PRR5L: variants seen among roughly 807,000 people sequenced by gnomAD.
PRR5L encodes proline rich 5 like, also known as proline-rich protein 5-like.
In PRR5L, 21 loss-of-function variants were observed where a neutral mutation model predicts 36.4. That is an observed-to-expected ratio of 0.58 (90% confidence interval 0.41 to 0.83). The LOEUF is 0.83. Ranked by LOEUF, PRR5L falls within the 40% of genes least tolerant of loss-of-function variation. The pLI is 0.00. For missense variants in PRR5L, 381 were observed against 473.3 expected (o/e 0.80, Z 1.81); for synonymous variants, 188 against 197.0 (o/e 0.95, Z 0.38).
intron 1 of PRR5L, among the ~76,000 whole-genome samples, chr11:36,360,075 C>A (rs79915458): frequency 3.4e-5 from 5 of 148,216 alleles, no homozygotes; most frequent in South Asian, 2.1e-4. Flanking sequence ...ACACACACAC[C>A]CACACACACA....
intron 3 of PRR5L, among the ~76,000 whole-genome samples, chr11:36,417,638 C>T (rs775860065): frequency 2.0e-5 from 3 of 152,214 alleles, no homozygotes; most frequent in Non-Finnish European, 2.9e-5. Flanking sequence ...CTTTGTTCAA[C>T]GTGTGTTTGT....
At chr11:36,366,658 A>C (rs1207106300) in intron 1 of PRR5L, among the ~76,000 whole-genome samples, 1 of 152,184 alleles carries the variant, frequency 6.6e-6, no homozygotes, top group Non-Finnish European at 1.5e-5. Context: ...TGGGGAATGT[A>C]GTTAGCATGA....
intron 1 of PRR5L, among the ~76,000 whole-genome samples, chr11:36,341,558 G>A (rs566879823): frequency 6.6e-6 from 1 of 152,324 alleles, no homozygotes; most frequent in Admixed American, 6.5e-5. Context: ...TGCCGTCACA[G>A]TAAGCAGAGC....
chr11:36,329,713 A>T (rs1025990776), intron 1 of PRR5L, among the ~76,000 whole-genome samples: 10 of 152,200 alleles, frequency 6.6e-5, no homozygotes, highest in Admixed American at 6.5e-4. Flanking sequence ...CTCATATTGG[A>T]CCTTTAAAAG....
At chr11:36,354,663 T>G (rs1459157822) in intron 1 of PRR5L, among the ~76,000 whole-genome samples, 3 of 152,234 alleles carry the variant, frequency 2.0e-5, no homozygotes, top group Non-Finnish European at 4.4e-5. Flanking sequence ...CATGTGCCTT[T>G]GAAGTGAGAC....
chr11:36,457,620 C>A (rs1007982099), intron 8 of PRR5L, among the ~76,000 whole-genome samples: 2 of 144,694 alleles, frequency 1.4e-5, no homozygotes, highest in Admixed American at 6.9e-5. Context: ...AAAAAAAAAA[C>A]AAAACAAAAA....
At chr11:36,324,408 T>C (rs1349671909) in intron 1 of PRR5L, among the ~76,000 whole-genome samples, 3 of 152,166 alleles carry the variant, frequency 2.0e-5, no homozygotes, top group Admixed American at 1.3e-4. Context: ...ACTGGAAATG[T>C]ATGTAAGAAA....
chr11:36,400,650 T>C (rs967043905), intron 1 of PRR5L, among the ~76,000 whole-genome samples: 1 of 152,190 alleles, frequency 6.6e-6, no homozygotes, highest in Non-Finnish European at 1.5e-5. Context: ...TTTTTAAAAA[T>C]CCATCTCTTA....
At chr11:36,327,815 T>C (rs1274284446) in intron 1 of PRR5L, among the ~76,000 whole-genome samples, 1 of 152,224 alleles carries the variant, frequency 6.6e-6, no homozygotes, top group Non-Finnish European at 1.5e-5. Flanking sequence ...TCTCTGAATC[T>C]ACTTATGACC....
At chr11:36,426,978 C>A (rs1259557353) in intron 4 of PRR5L, among the ~76,000 whole-genome samples, 2 of 152,152 alleles carry the variant, frequency 1.3e-5, no homozygotes, top group African/African-American at 4.8e-5. Flanking sequence ...AGGAGGCATG[C>A]ATCATTGGTA....
intron 8 of PRR5L, among the ~76,000 whole-genome samples, chr11:36,459,864 A>G (rs1400804795): frequency 1.3e-5 from 2 of 152,104 alleles, no homozygotes; most frequent in Non-Finnish European, 2.9e-5. Context: ...GAGAGGTCAC[A>G]TTTACTCGGA....
At chr11:36,402,598 T>C (rs1224251229) in intron 2 of PRR5L, among the ~76,000 whole-genome samples, 3 of 152,178 alleles carry the variant, frequency 2.0e-5, no homozygotes, top group African/African-American at 7.2e-5. Context: ...ATGATAGGGA[T>C]GGAGAGAGGG....
At chr11:36,376,196 G>A (rs1447448240) in intron 1 of PRR5L, 6 of 1,301,718 alleles carry the variant, frequency 4.6e-6, no homozygotes, top group Non-Finnish European at 6.1e-6. Context: ...TCCCCAGCAG[G>A]GTGAGAGTTG....
intron 1 of PRR5L, among the ~76,000 whole-genome samples, chr11:36,314,906 G>A (rs905959729): frequency 1.3e-5 from 2 of 152,134 alleles, no homozygotes; most frequent in East Asian, 3.8e-4. Context: ...GATAATGCAA[G>A]GACTGTGGAG....
intron 1 of PRR5L, chr11:36,376,095 C>T (rs1053188948): frequency 8.0e-6 from 10 of 1,251,898 alleles, no homozygotes; most frequent in Non-Finnish European, 1.1e-5. Flanking sequence ...CTGCTGCATC[C>T]TCCTCGGCAA....
Position 36,419,496 on chromosome 11 carries a change from C to T in PRR5L, c.294+193C>T, listed in dbSNP as rs1858218180. On this transcript the variant is annotated intron_variant, in intron 4 of 8. Coordinates refer to ENST00000530639, the MANE Select transcript of PRR5L (RefSeq NM_001160167.2). ...CCCAGCAGTTAATGGAGATCACAGT[C>T]TCATGCAGCAGTTCTCAGGCATTTT... Among the ~76,000 whole-genome samples the T allele has an allele frequency of 2.0e-5, 3 of 152,178 alleles. No homozygotes were observed. In the South Asian group the frequency reaches 6.2e-4, roughly 31 times the overall value.
At chr11:36,349,674 G>A (rs1373087692) in intron 1 of PRR5L, among the ~76,000 whole-genome samples, 3 of 152,182 alleles carry the variant, frequency 2.0e-5, no homozygotes, top group African/African-American at 7.2e-5. Context: ...TGGCCTAGGT[G>A]ATGCTTGGAC....
chr11:36,438,343 T>C (rs1858648553), intron 6 of PRR5L, among the ~76,000 whole-genome samples: 1 of 152,230 alleles, frequency 6.6e-6, no homozygotes, highest in African/African-American at 2.4e-5. Context: ...GGGCGTCGTA[T>C]GCAGAGGAAC....
chr11:36,368,898 G>A (rs574667022), intron 1 of PRR5L, among the ~76,000 whole-genome samples: 6 of 152,104 alleles, frequency 3.9e-5, no homozygotes, highest in Non-Finnish European at 2.9e-5. Flanking sequence ...CACTACCCAC[G>A]AAAATCAAAG....
Sources: gnomAD v4.1 joint callset for allele counts (sites outside exome capture counted in the v4.1 genomes callset) on GRCh38, gnomAD v4.1.1 for gene constraint, MANE v1.5 for transcripts, NCBI Gene and HGNC (gene_info 2026-07-23, HGNC 2026-07-21) for gene names.